The following STK24 variants were observed in gnomAD, a reference collection of about 807,000 sequenced individuals.
The protein encoded by STK24 is serine/threonine kinase 24.
STK24 carries 21 observed loss-of-function variants against 55.6 expected under a neutral mutation model. The observed-to-expected ratio is 0.38, with a 90% CI of 0.27 to 0.54. The LOEUF (loss-of-function observed/expected upper bound fraction) is 0.54. Ranked by LOEUF, STK24 falls within the 20% of genes least tolerant of loss-of-function variation. The probability of loss-of-function intolerance (pLI) is 0.79; values close to 1 mark genes in which losing one functional copy is unlikely to be tolerated. For missense variants in STK24, 383 were observed against 538.4 expected, an observed-to-expected ratio of 0.71 and a Z score of 2.86; for synonymous variants, 200 against 215.2, an observed-to-expected ratio of 0.93 and a Z score of 0.62.
rs774837793 is a variant in STK24 at position 98,446,859 on chromosome 13, A to AC, written c.*6313dup. ...CACGCACAGGGCCCTGCAGAAGAGG[A>AC]CCCCCTCTTCCAAACATCAGGATTT... On this transcript the variant is annotated 3_prime_UTR_variant, in exon 11 of 11. Transcript: ENST00000539966. The AC allele has an allele frequency of 5.0e-6, 8 of 1,595,600 alleles. No homozygotes were observed. The highest frequency in any genetic ancestry group is 2.2e-5 in the South Asian group (2 of 90,146).
At chr13:98,457,968 A>G (rs1335161065) in intron 9 of STK24, among the ~76,000 whole-genome samples, 1 of 152,166 alleles carries the variant, frequency 6.6e-6, no homozygotes, top group African/African-American at 2.4e-5. Context: ...TTGTACCAGA[A>G]AAGCAATTTC....
intron 1 of STK24, among the ~76,000 whole-genome samples, chr13:98,575,404 T>TAC (rs143143374): frequency 0.031 from 4,527 of 146,408 alleles, 73 homozygotes; most frequent in African/African-American, 0.035. Context: ...ACTGCTTATA[T>TAC]ATACACACAC....
intron 2 of STK24, among the ~76,000 whole-genome samples, chr13:98,483,527 A>G (rs1270879415): frequency 6.6e-6 from 1 of 152,106 alleles, no homozygotes; most frequent in African/African-American, 2.4e-5. Flanking sequence ...GCTGACTCCA[A>G]GTGAGCTCAC....
At chr13:98,475,131 C>G in intron 4 of STK24, 119 bp downstream of exon 4, 1 of 1,406,826 alleles carries the variant, frequency 7.1e-7, no homozygotes. Context: ...GCCAGCCCAG[C>G]CCAGGCAAGG....
intron 2 of STK24, among the ~76,000 whole-genome samples, chr13:98,507,198 C>G (rs1245225752): frequency 6.6e-6 from 1 of 152,232 alleles, no homozygotes; most frequent in Non-Finnish European, 1.5e-5. Context: ...AAGGAGAACA[C>G]ACCACTGGAG....
chr13:98,550,740 G>A (rs1338285287), intron 1 of STK24, among the ~76,000 whole-genome samples: 1 of 152,130 alleles, frequency 6.6e-6, no homozygotes, highest in Non-Finnish European at 1.5e-5. Flanking sequence ...ATACTCATTT[G>A]CATGTAATTT....
chr13:98,510,241 C>G (rs542004177), intron 2 of STK24, among the ~76,000 whole-genome samples: 4 of 152,298 alleles, frequency 2.6e-5, no homozygotes, highest in African/African-American at 9.6e-5. Flanking sequence ...CGAGTCGGGG[C>G]TCAGACCATT....
intron 1 of STK24, among the ~76,000 whole-genome samples, chr13:98,575,500 C>G (rs1239227900): frequency 6.6e-6 from 1 of 151,812 alleles, no homozygotes; most frequent in East Asian, 1.9e-4. Flanking sequence ...TCCTATTTTT[C>G]CAGAATTCAA....
At position 98,494,412 on chromosome 13, in the gene STK24, C is replaced by CAAAAAAAAAAAAAAAAAAAAAA. The variant is rs1162677599; in HGVS notation, c.274-12092_274-12091insTTTTTTTTTTTTTTTTTTTTTT. Among the ~76,000 whole-genome samples, 188 of 66,692 alleles carry CAAAAAAAAAAAAAAAAAAAAAA rather than the reference C, an allele frequency of 2.8e-3. 19 individuals carry two copies. The highest frequency in any genetic ancestry group is 4.1e-3 in the Non-Finnish European group (137 of 33,260). The allele number at this position is 66,692 out of a possible 152,430, so 43.8% of individuals were successfully genotyped here. A position where few individuals can be genotyped will look rare whatever the true frequency, so the allele number is the denominator to read the frequency against. Reference sequence around the variant, plus strand: ...CTGGGTGACAGAGCCAGACTCGTCTCAAAAAAAAAAAAAAAAGTGCCTCTA... The same window carrying CAAAAAAAAAAAAAAAAAAAAAA: ...CTGGGTGACAGAGCCAGACTCGTCTCAAAAAAAAAAAAAAAAAAAAAAAAAAAAAAAAAAAAAAGTGCCTCTA... On this transcript the variant is annotated intron_variant, in intron 2 of 10. Transcript: ENST00000539966.
chr13:98,453,332 G>A (rs1377356042), intron 10 of STK24, 123 bp from the exon 11 acceptor site: 2 of 950,838 alleles, frequency 2.1e-6, no homozygotes, highest in African/African-American at 1.7e-5. Context: ...AATAAGTGGA[G>A]CAAATATCAA....
intron 3 of STK24, among the ~76,000 whole-genome samples, chr13:98,479,849 G>A (rs756000499): frequency 2.0e-5 from 3 of 152,214 alleles, no homozygotes; most frequent in Non-Finnish European, 4.4e-5. Context: ...GGGGCTGAGA[G>A]CAGGCCAACA....
Position 98,560,401 on chromosome 13 carries a change from G to A in STK24, c.42+16344C>T, listed in dbSNP as rs1897388008. On this transcript the variant is annotated intron_variant, in intron 1 of 10. Coordinates refer to ENST00000539966, the MANE Select transcript of STK24 (RefSeq NM_001032296.4). ...TGAAAAGCAGACTGGTCCTATTTTGGGGTGAATGTTCATTCAGAGCAGTAA... is the reference window on the plus strand; with the variant it reads ...TGAAAAGCAGACTGGTCCTATTTTGAGGTGAATGTTCATTCAGAGCAGTAA... Among the ~76,000 whole-genome samples, 10 of 152,098 alleles carry A rather than the reference G, an allele frequency of 6.6e-5. No homozygotes were observed. In the South Asian group the frequency reaches 2.1e-3, roughly 32 times the overall value.
At chr13:98,527,247 A>C (rs1298723747) in intron 1 of STK24, among the ~76,000 whole-genome samples, 1 of 152,116 alleles carries the variant, frequency 6.6e-6, no homozygotes, top group African/African-American at 2.4e-5. Context: ...AGGCCCACAG[A>C]TCACTTGAGA....
chr13:98,494,963 C>T (rs563070624), intron 2 of STK24, among the ~76,000 whole-genome samples: 5 of 152,304 alleles, frequency 3.3e-5, no homozygotes, highest in African/African-American at 1.2e-4. Context: ...ACCAACGCCT[C>T]GGTGAAGATG....
chr13:98,457,770 C>T (rs552704186), intron 9 of STK24, among the ~76,000 whole-genome samples: 9 of 152,268 alleles, frequency 5.9e-5, no homozygotes, highest in African/African-American at 1.4e-4. Flanking sequence ...GTGCCCGGCC[C>T]GGGTTCCTTT....
At chr13:98,525,208 G>A (rs192157996) in intron 1 of STK24, among the ~76,000 whole-genome samples, 1 of 152,254 alleles carries the variant, frequency 6.6e-6, no homozygotes, top group East Asian at 1.9e-4. Context: ...AGATTTCCTT[G>A]GCAAAAAAGG....
intron 1 of STK24, among the ~76,000 whole-genome samples, chr13:98,563,387 G>T (rs1195291485): frequency 2.0e-5 from 3 of 152,206 alleles, no homozygotes; most frequent in Non-Finnish European, 4.4e-5. Context: ...TTTTCTTGCA[G>T]AAGACAAAGC....
chr13:98,505,638 T>TA (rs1295963944), intron 2 of STK24, among the ~76,000 whole-genome samples: 1 of 152,248 alleles, frequency 6.6e-6, no homozygotes, highest in Non-Finnish European at 1.5e-5. Context: ...CTTGAGTACC[T>TA]AATCTAGTGC....
At chr13:98,470,078 T>C (rs1039612535) in intron 5 of STK24, among the ~76,000 whole-genome samples, 1 of 152,204 alleles carries the variant, frequency 6.6e-6, no homozygotes, top group African/African-American at 2.4e-5. Context: ...AATGTGTTGA[T>C]AGGGAAACTC....
Sources: allele counts gnomAD v4.1 joint callset (sites outside exome capture counted in the v4.1 genomes callset), GRCh38; gene constraint gnomAD v4.1.1; transcripts MANE v1.5; gene names NCBI Gene and HGNC (gene_info 2026-07-23, HGNC 2026-07-21).